The following CDCA2 variants were observed in gnomAD, a reference collection of about 807,000 sequenced individuals.
CDCA2 encodes the protein cell division cycle associated 2, also known as cell division cycle-associated protein 2.
CDCA2 carries 44 observed loss-of-function variants against 67.0 expected under a neutral mutation model. The ratio of observed to expected loss-of-function variants is 0.66; its 90% CI spans 0.52 to 0.84. The LOEUF is 0.84. CDCA2 is among the 40% of genes least tolerant of loss of function. The probability of loss-of-function intolerance (pLI) is 0.00; values close to 1 mark genes in which losing one functional copy is unlikely to be tolerated. For missense variants in CDCA2, 1,253 were observed against 1,203.2 expected, an observed-to-expected ratio of 1.04 and a Z score of -0.61; for synonymous variants, 447 against 418.7, an observed-to-expected ratio of 1.07 and a Z score of -0.82.
chr8:25,492,451 GA>G (rs1469622709), intron 13 of CDCA2, among the ~76,000 whole-genome samples: 4 of 152,038 alleles, frequency 2.6e-5, no homozygotes, highest in African/African-American at 9.7e-5. Context: ...CTAAAAAACG[GA>G]AAAGACCTGT....
chr8:25,498,723 A>G (rs1433020891), intron 13 of CDCA2, among the ~76,000 whole-genome samples: 1 of 151,894 alleles, frequency 6.6e-6, no homozygotes, highest in Non-Finnish European at 1.5e-5. Context: ...CTTCCTACCC[A>G]TAACCCCGCC....
chr8:25,472,877 ACT>A (rs768323717), intron 7 of CDCA2, among the ~76,000 whole-genome samples: 30 of 152,018 alleles, frequency 2.0e-4, no homozygotes, highest in Admixed American at 1.3e-4. Flanking sequence ...TTTGAAAATT[ACT>A]CTCTTAGTTA....
At chr8:25,499,636 C>G (rs1414651180) in intron 13 of CDCA2, among the ~76,000 whole-genome samples, 1 of 152,094 alleles carries the variant, frequency 6.6e-6, no homozygotes, top group Non-Finnish European at 1.5e-5. Context: ...AAGCTATTCT[C>G]TGAAAATAAT....
intron 13 of CDCA2, among the ~76,000 whole-genome samples, chr8:25,493,477 A>G (rs531992396): frequency 2.6e-5 from 4 of 152,350 alleles, no homozygotes; most frequent in East Asian, 1.9e-4. Flanking sequence ...AAAAATCCCC[A>G]TAAGAAAATT....
intron 8 of CDCA2, among the ~76,000 whole-genome samples, chr8:25,480,945 G>A (rs1358144009): frequency 4.6e-5 from 7 of 152,170 alleles, no homozygotes; most frequent in South Asian, 2.1e-4. Flanking sequence ...AAATCACCAC[G>A]AGTGTCTGGC....
intron 13 of CDCA2, among the ~76,000 whole-genome samples, chr8:25,491,943 A>G (rs1294166151): frequency 1.3e-5 from 2 of 152,130 alleles, no homozygotes; most frequent in African/African-American, 4.8e-5. Context: ...GACTACAGGA[A>G]CGCACCACCA....
intron 12 of CDCA2, among the ~76,000 whole-genome samples, chr8:25,488,076 C>T (rs918292733): frequency 2.6e-5 from 4 of 152,022 alleles, no homozygotes; most frequent in Non-Finnish European, 4.4e-5. Flanking sequence ...TTTGCTATTT[C>T]GTTAAATTAG....
intron 13 of CDCA2, among the ~76,000 whole-genome samples, chr8:25,490,882 T>C (rs1309289482): frequency 6.6e-6 from 1 of 152,132 alleles, no homozygotes; most frequent in East Asian, 1.9e-4. Flanking sequence ...AGGAAACCTA[T>C]ATACCAACTT....
intron 7 of CDCA2, among the ~76,000 whole-genome samples, chr8:25,478,073 C>T (rs763515032): frequency 1.5e-4 from 23 of 151,782 alleles, no homozygotes; most frequent in Non-Finnish European, 2.1e-4. Context: ...ACCACAGGTG[C>T]TCACTACCAT....
Position 25,460,435 on chromosome 8 carries a change from A to G in CDCA2, c.113A>G (p.His38Arg), listed in dbSNP as rs761297365. 1 of 1,614,208 alleles carries G rather than the reference A, an allele frequency of 6.2e-7. No homozygotes were observed. The highest frequency in any genetic ancestry group is 8.5e-7 in the Non-Finnish European group (1 of 1,180,038). ...GTGKIVTPQK[H>R]AELPPNPCTP... ...GGGAAGATTGTGACTCCTCAGAAGC[A>G]TGCCGAATTACCTCCTAATCCTTGC... Residue 38 changes from histidine (H) to arginine (R), a missense_variant, in exon 3 of 15, where the codon CAT (histidine) becomes CGT (arginine). His to Arg is a conservative substitution (Grantham distance 29). Transcript: ENST00000330560.
intron 13 of CDCA2, among the ~76,000 whole-genome samples, chr8:25,497,935 G>T (rs775528402): frequency 5.3e-5 from 8 of 152,116 alleles, no homozygotes; most frequent in Non-Finnish European, 1.2e-4. Context: ...CTCACCTACT[G>T]TAGTGAGCCA....
chr8:25,499,916 A>G (rs1380373185), intron 13 of CDCA2, among the ~76,000 whole-genome samples: 1 of 152,182 alleles, frequency 6.6e-6, no homozygotes, highest in African/African-American at 2.4e-5. Context: ...TGGTGAATTC[A>G]GATTTTGATA....
intron 13 of CDCA2, among the ~76,000 whole-genome samples, chr8:25,492,821 G>A (rs370759053): frequency 1.1e-4 from 17 of 152,226 alleles, no homozygotes; most frequent in African/African-American, 4.1e-4. Context: ...ATAGGAAAAT[G>A]TAGTTAATAG....
intron 7 of CDCA2, among the ~76,000 whole-genome samples, chr8:25,470,195 A>C (rs111702663): frequency 6.6e-6 from 1 of 152,224 alleles, no homozygotes; most frequent in Non-Finnish European, 1.5e-5. Flanking sequence ...TTTCAAGCTC[A>C]TGGAATTTAG....
At chr8:25,475,450 C>T (rs1225527149) in intron 7 of CDCA2, among the ~76,000 whole-genome samples, 4 of 152,222 alleles carry the variant, frequency 2.6e-5, no homozygotes, top group Admixed American at 2.0e-4. Flanking sequence ...ACCCAGGAGG[C>T]GGAGGTTGCA....
intron 13 of CDCA2, among the ~76,000 whole-genome samples, chr8:25,497,822 A>G (rs1804295299): frequency 6.6e-6 from 1 of 152,196 alleles, no homozygotes; most frequent in African/African-American, 2.4e-5. Context: ...TGCAATTTTT[A>G]ATTTGTTGGT....
At chr8:25,492,375 T>C (rs539650888) in intron 13 of CDCA2, among the ~76,000 whole-genome samples, 1 of 152,346 alleles carries the variant, frequency 6.6e-6, no homozygotes, top group Admixed American at 6.5e-5. Context: ...AAATCGCTGG[T>C]TGTAGCTGTT....
chr8:25,459,990 A>G (rs1313510650), intron 1 of CDCA2, among the ~76,000 whole-genome samples: 4 of 152,228 alleles, frequency 2.6e-5, no homozygotes, highest in Non-Finnish European at 4.4e-5. Flanking sequence ...AATATTTGAG[A>G]TAATGGCTAC....
At chr8:25,494,282 C>T (rs1190099356) in intron 13 of CDCA2, among the ~76,000 whole-genome samples, 2 of 151,672 alleles carry the variant, frequency 1.3e-5, no homozygotes, top group African/African-American at 4.8e-5. Context: ...CAACATAGCA[C>T]AACCCCATCT....
Sources: gnomAD v4.1 joint callset for allele counts (sites outside exome capture counted in the v4.1 genomes callset) on GRCh38, gnomAD v4.1.1 for gene constraint, MANE v1.5 for transcripts, NCBI Gene and HGNC (gene_info 2026-07-23, HGNC 2026-07-21) for gene names.